The following ARHGAP24 variants were observed in gnomAD, a reference collection of about 807,000 sequenced individuals.
The protein encoded by ARHGAP24 is rho GTPase-activating protein 24.
Under a neutral mutation model 76.4 loss-of-function variants are expected in ARHGAP24, and 50 were observed. The observed-to-expected ratio is 0.65, with a 90% CI of 0.52 to 0.83. ARHGAP24 has a LOEUF of 0.83. Ranked by LOEUF, ARHGAP24 falls within the 40% of genes least tolerant of loss-of-function variation. The pLI, the probability that ARHGAP24 is intolerant of heterozygous loss-of-function variation, is 0.00. For synonymous variants in ARHGAP24, 345 were observed against 323.3 expected (o/e 1.07, Z -0.72); for missense variants, 930 against 914.2 (o/e 1.02, Z -0.22).
chr4:85,801,703 G>C (rs1728584470), intron 3 of ARHGAP24, among the ~76,000 whole-genome samples: 1 of 152,222 alleles, frequency 6.6e-6, no homozygotes, highest in Admixed American at 6.5e-5. Flanking sequence ...GTAGGCAGCA[G>C]CTACTTATTC....
intron 1 of ARHGAP24, among the ~76,000 whole-genome samples, chr4:85,508,514 T>C (rs1442482434): frequency 6.6e-6 from 1 of 152,128 alleles, no homozygotes; most frequent in African/African-American, 2.4e-5. Context: ...AGACCGAGTT[T>C]TGTCATCTCC....
intron 1 of ARHGAP24, among the ~76,000 whole-genome samples, chr4:85,523,874 C>T (rs576196471): frequency 6.6e-6 from 1 of 151,480 alleles, no homozygotes; most frequent in Non-Finnish European, 1.5e-5. Context: ...CTATTGATTT[C>T]TTTACAACGG....
intron 3 of ARHGAP24, among the ~76,000 whole-genome samples, chr4:85,746,182 G>T (rs544890144): frequency 1.3e-5 from 2 of 152,336 alleles, no homozygotes; most frequent in South Asian, 4.1e-4. Flanking sequence ...GCAAGCTAGG[G>T]AATTGGGGCT....
intron 2 of ARHGAP24, among the ~76,000 whole-genome samples, chr4:85,699,604 T>A (rs1360482127): frequency 1.5e-5 from 2 of 137,362 alleles, no homozygotes; most frequent in Middle Eastern, 3.9e-3. Flanking sequence ...CCTGTCTCAA[T>A]TTTTTTTTTT....
At chr4:85,702,829 A>G (rs1395423613) in intron 2 of ARHGAP24, among the ~76,000 whole-genome samples, 1 of 152,108 alleles carries the variant, frequency 6.6e-6, no homozygotes, top group Non-Finnish European at 1.5e-5. Context: ...TTCAGCTTTC[A>G]TTATTGCATA....
In ARHGAP24 at chr4:85,850,192, G is replaced by T. The variant is rs184235412; in HGVS notation, c.269-73456G>T. On this transcript the variant is annotated intron_variant, in intron 3 of 9. Coordinates refer to ENST00000395184, the MANE Select transcript of ARHGAP24 (RefSeq NM_001025616.3). The stretch of plus-strand genomic sequence containing the variant: ...TTAGACTTGGGAGGGTGTATGTGTC[G>T]AGGAATTTATCCATTTCTTCTAGAT... 5.3e-3 allele frequency among the ~76,000 whole-genome samples: 812 copies of T among 151,804 alleles called. 2 individuals are homozygous for T. Among genetic ancestry groups the T allele is most frequent in the Non-Finnish European group, 8.1e-3 (552 of 67,868 alleles).
chr4:85,722,205 C>T (rs756924345), intron 3 of ARHGAP24: 10 of 462,888 alleles, frequency 2.2e-5, no homozygotes, highest in South Asian at 2.1e-4. Flanking sequence ...CCATGAGACT[C>T]CATAGTTGAC....
intron 2 of ARHGAP24, among the ~76,000 whole-genome samples, chr4:85,708,086 G>T (rs558285544): frequency 2.0e-5 from 3 of 152,072 alleles, no homozygotes; most frequent in African/African-American, 2.4e-5. Flanking sequence ...CCTGCAAAAT[G>T]AACCTGAAAA....
chr4:85,485,360 AAAAAAAAAAAAAAAAAATATATATAT>A (rs1269691887), intron 1 of ARHGAP24, among the ~76,000 whole-genome samples: 1 of 57,986 alleles, frequency 1.7e-5, no homozygotes, highest in African/African-American at 8.1e-5. Flanking sequence ...AAAAAAAAAA[AAAAAAAAAAAAAAAAAATATATATAT>A]ATATATATAT....
At chr4:85,527,928 C>T (rs548552465) in intron 1 of ARHGAP24, among the ~76,000 whole-genome samples, 6 of 152,138 alleles carry the variant, frequency 3.9e-5, no homozygotes, top group South Asian at 2.1e-4. Flanking sequence ...ATATATTCAA[C>T]GTTTGATTAG....
intron 3 of ARHGAP24, among the ~76,000 whole-genome samples, chr4:85,750,868 C>G (rs76461093): frequency 6.6e-6 from 1 of 152,130 alleles, no homozygotes; most frequent in Non-Finnish European, 1.5e-5. Flanking sequence ...TGTTTCACTG[C>G]GGGGCAGAAG....
At chr4:85,800,482 T>C (rs188644540) in intron 3 of ARHGAP24, among the ~76,000 whole-genome samples, 5 of 147,042 alleles carry the variant, frequency 3.4e-5, no homozygotes, top group Non-Finnish European at 6.0e-5. Context: ...GGACATAAGG[T>C]AGGAATTAAG....
At chr4:85,667,678 CT>C (rs1722684341) in intron 2 of ARHGAP24, among the ~76,000 whole-genome samples, 1 of 152,156 alleles carries the variant, frequency 6.6e-6, no homozygotes, top group Admixed American at 6.5e-5. Flanking sequence ...CTGTTCTTCC[CT>C]AATGTTCATA....
chr4:85,839,828 T>C (rs555036848), intron 3 of ARHGAP24, among the ~76,000 whole-genome samples: 1 of 148,130 alleles, frequency 6.8e-6, no homozygotes, highest in South Asian at 2.1e-4. Flanking sequence ...CTACCAAGTG[T>C]CTTTTTTCTG....
intron 2 of ARHGAP24, among the ~76,000 whole-genome samples, chr4:85,698,782 T>C (rs4693731): frequency 0.18 from 27,044 of 152,172 alleles, 3,027 homozygotes; most frequent in East Asian, 0.58. Context: ...TGATATAGTT[T>C]GGATATTTGT....
chr4:85,558,834 A>G (rs1726488709), intron 1 of ARHGAP24, among the ~76,000 whole-genome samples: 1 of 152,240 alleles, frequency 6.6e-6, no homozygotes, highest in Non-Finnish European at 1.5e-5. Flanking sequence ...TAGACAAATG[A>G]CTATCTCCAT....
chr4:85,832,117 G>A (rs542137763), intron 3 of ARHGAP24, among the ~76,000 whole-genome samples: 45 of 152,160 alleles, frequency 3.0e-4, no homozygotes, highest in Non-Finnish European at 4.4e-4. Flanking sequence ...GGTCAGTCAG[G>A]GGCAGAGGGA....
chr4:85,815,407 C>A (rs1446375643), intron 3 of ARHGAP24, among the ~76,000 whole-genome samples: 7 of 152,166 alleles, frequency 4.6e-5, no homozygotes, highest in Admixed American at 2.6e-4. Flanking sequence ...CCCAAGTCAC[C>A]TCTTGAATGC....
chr4:85,590,849 G>A (rs1728065720), intron 2 of ARHGAP24, among the ~76,000 whole-genome samples: 1 of 151,680 alleles, frequency 6.6e-6, no homozygotes, highest in Non-Finnish European at 1.5e-5. Flanking sequence ...TTAACATAAG[G>A]ATCTTCACTT....
Sources: gnomAD v4.1 joint callset for allele counts (sites outside exome capture counted in the v4.1 genomes callset) on GRCh38, gnomAD v4.1.1 for gene constraint, MANE v1.5 for transcripts, NCBI Gene and HGNC (gene_info 2026-07-23, HGNC 2026-07-21) for gene names.